The following PRH1 variants were observed in gnomAD, a reference collection of about 807,000 sequenced individuals.
PRH1 encodes salivary acidic proline-rich phosphoprotein 1/2.
A neutral mutation model predicts 7.9 loss-of-function variants in PRH1; 7 were observed. That is an observed-to-expected ratio of 0.89 (90% CI 0.50 to 1.67). PRH1 has a LOEUF of 1.67. Among genes scored for constraint, PRH1 ranks in the 40% most tolerant of loss-of-function variants. PRH1 has a pLI of 0.00. For missense variants in PRH1, 109 were observed against 223.6 expected (o/e 0.49, Z 3.27); for synonymous variants, 45 against 80.8 (o/e 0.56, Z 2.38).
upstream of PRH1, among the ~76,000 whole-genome samples, chr12:10,888,021 C>T (rs1055229044): frequency 1.3e-5 from 2 of 152,162 alleles, no homozygotes; most frequent in Non-Finnish European, 2.9e-5. Flanking sequence ...GTTAGATCCA[C>T]CTGTCAAGGC....
intron 1 of PRH1, chr12:11,078,441 A>G (rs1294004789): frequency 2.4e-5 from 1 of 41,438 alleles, no homozygotes; most frequent in Admixed American, 3.6e-4. Flanking sequence ...CTTCATAGAA[A>G]TAGAAAATAT....
At position 10,973,801 on chromosome 12, in the gene PRH1, C is replaced by T. The variant is rs571556741; in HGVS notation, c.-125-80G>A. On this transcript the variant is annotated intron_variant, in intron 1 of 3. Coordinates refer to the PRH1 transcript ENST00000539853. ...GTGCAAACAAGGAGGGCCAGCTAAA[C>T]TAAAATCCAGCACAAGGAGAGTCTT... 180 of 716,090 alleles carry T rather than the reference C, an allele frequency of 2.5e-4. No homozygotes were observed. The African/African-American group carries it at 2.9e-3, about 11-fold the overall frequency. 44.4% of individuals were successfully genotyped at this position (716,090 alleles called of 1,614,324 possible).
chr12:10,967,093 C>T (rs1431799183), intron 2 of PRH1, among the ~76,000 whole-genome samples: 1 of 127,764 alleles, frequency 7.8e-6, no homozygotes, highest in Admixed American at 9.9e-5. Flanking sequence ...CCAGCCTGGG[C>T]GACAGAGCAA....
chr12:11,051,204 G>A (rs1213348191), upstream of PRH1, among the ~76,000 whole-genome samples: 2 of 152,190 alleles, frequency 1.3e-5, no homozygotes, highest in Non-Finnish European at 2.9e-5. Flanking sequence ...AAATGTCAAT[G>A]TTTTGTCACA....
intron 1 of PRH1, among the ~76,000 whole-genome samples, chr12:11,055,594 C>T (rs1943331891): frequency 6.6e-6 from 1 of 152,210 alleles, no homozygotes; most frequent in Admixed American, 6.5e-5. Flanking sequence ...TATTCAAATG[C>T]TGTGACCTTG....
rs1257608560 is a variant in PRH1, at chr12:11,092,478, T to C, written n.124-45290A>G. ...AGGTTGCCGCGGCTGGCTGAAGCCATGAGCTTTTATTCCCTTATTTGTCCC... is the reference window on the plus strand; with the variant it reads ...AGGTTGCCGCGGCTGGCTGAAGCCACGAGCTTTTATTCCCTTATTTGTCCC... On this transcript the variant is annotated intron_variant and non_coding_transcript_variant, in intron 1 of 4. Coordinates refer to the PRH1 transcript ENST00000541977. 2.6e-5 allele frequency among the ~76,000 whole-genome samples: 3 copies of C among 114,876 alleles called. 1 individual carries two copies. The highest frequency in any genetic ancestry group is 8.8e-5 in the African/African-American group (3 of 34,220). The allele number at this position is 114,876 out of a possible 152,430, so 75.4% of individuals were successfully genotyped here. A position where few individuals can be genotyped will look rare whatever the true frequency, so the allele number is the denominator to read the frequency against.
intron 1 of PRH1, among the ~76,000 whole-genome samples, chr12:11,149,511 G>A (rs1273011108): frequency 6.6e-6 from 1 of 150,468 alleles, no homozygotes; most frequent in East Asian, 2.0e-4. Context: ...CAGAAATAAC[G>A]CCGCATATCT....
chr12:10,925,741 G>T (rs978995942), intron 2 of PRH1, among the ~76,000 whole-genome samples: 7 of 152,092 alleles, frequency 4.6e-5, no homozygotes, highest in Admixed American at 1.3e-4. Context: ...CCTAATAACA[G>T]AACTTATGTT....
chr12:10,921,701 C>G (rs906569886), intron 2 of PRH1, among the ~76,000 whole-genome samples: 7 of 152,126 alleles, frequency 4.6e-5, no homozygotes, highest in African/African-American at 1.7e-4. Flanking sequence ...CAGACAAATT[C>G]TAACTTTTCC....
At chr12:11,056,654 C>T (rs1219795892) in intron 1 of PRH1, among the ~76,000 whole-genome samples, 4 of 152,148 alleles carry the variant, frequency 2.6e-5, no homozygotes, top group Non-Finnish European at 4.4e-5. Flanking sequence ...TCTATATCCA[C>T]TAGAAATGCA....
At chr12:10,927,642 C>G (rs916536211) in intron 2 of PRH1, among the ~76,000 whole-genome samples, 1 of 152,208 alleles carries the variant, frequency 6.6e-6, no homozygotes, top group Non-Finnish European at 1.5e-5. Flanking sequence ...TTATCTGCAA[C>G]TCTTCAGAAG....
intron 2 of PRH1, among the ~76,000 whole-genome samples, chr12:10,953,877 C>T (rs1937815253): frequency 6.6e-6 from 1 of 152,126 alleles, no homozygotes; most frequent in Non-Finnish European, 1.5e-5. Flanking sequence ...GGGCAGGTCA[C>T]CTACAAAGGG....
chr12:11,170,559 C>CA (rs1362316205), intron 1 of PRH1, among the ~76,000 whole-genome samples: 4 of 151,994 alleles, frequency 2.6e-5, no homozygotes, highest in East Asian at 3.9e-4. Context: ...AAAACAACAA[C>CA]AAAAAAAGAG....
intron 1 of PRH1, among the ~76,000 whole-genome samples, chr12:11,052,281 T>C (rs538595250): frequency 8.2e-5 from 2 of 24,388 alleles, no homozygotes; most frequent in South Asian, 2.8e-3. Flanking sequence ...CTGAAAAATA[T>C]CATTTTCAAT....
At chr12:10,964,011 G>A (rs181663662) in intron 2 of PRH1, among the ~76,000 whole-genome samples, 3 of 152,104 alleles carry the variant, frequency 2.0e-5, no homozygotes, top group Non-Finnish European at 4.4e-5. Context: ...ACATACGTAT[G>A]GTACAAATAA....
chr12:11,031,098 C>T, intron 1 of PRH1: 4 of 1,591,514 alleles, frequency 2.5e-6, no homozygotes, highest in Non-Finnish European at 3.4e-6. Context: ...GTAGTTCTTA[C>T]TTCTACACTA....
intron 1 of PRH1, among the ~76,000 whole-genome samples, chr12:11,053,335 T>G (rs1943232349): frequency 6.6e-6 from 1 of 152,268 alleles, no homozygotes; most frequent in Non-Finnish European, 1.5e-5. Context: ...CTGTTTGATT[T>G]ATTTAGCCCT....
chr12:10,938,910 C>T, intron 2 of PRH1: 7 of 1,613,948 alleles, frequency 4.3e-6, no homozygotes, highest in Non-Finnish European at 5.1e-6. Flanking sequence ...AGGCCTGTAG[C>T]TAACCAGACA....
chr12:11,062,062 A>G, intron 1 of PRH1: 2 of 1,613,758 alleles, frequency 1.2e-6, no homozygotes, highest in Non-Finnish European at 1.7e-6. Context: ...TCTTACTTCT[A>G]TACTGTTAAA....
Sources: gnomAD v4.1 joint callset for allele counts (sites outside exome capture counted in the v4.1 genomes callset) on GRCh38, gnomAD v4.1.1 for gene constraint, MANE v1.5 for transcripts, NCBI Gene and HGNC (gene_info 2026-07-23, HGNC 2026-07-21) for gene names.